HIBCH: variants seen among roughly 807,000 people sequenced by gnomAD.
HIBCH encodes the protein 3-hydroxyisobutyryl-CoA hydrolase, also known as 3-hydroxyisobutyryl-CoA hydrolase, mitochondrial.
Under a neutral mutation model 58.2 loss-of-function variants are expected in HIBCH, and 50 were observed. That is an observed-to-expected ratio of 0.86 (90% CI 0.68 to 1.09). The LOEUF (loss-of-function observed/expected upper bound fraction) is 1.09, where lower values mean the gene tolerates loss of function less well. HIBCH is among the 50% of genes least tolerant of loss of function. HIBCH has a pLI of 0.00. For synonymous variants in HIBCH, 151 were observed against 146.9 expected (o/e 1.03, Z -0.20); for missense variants, 450 against 449.7 (o/e 1.00, Z -0.01).
At chr2:190,318,826 CAG>C (rs1688773213) in intron 1 of HIBCH, among the ~76,000 whole-genome samples, 1 of 152,126 alleles carries the variant, frequency 6.6e-6, no homozygotes, top group Non-Finnish European at 1.5e-5. Flanking sequence ...AAAAAACAAA[CAG>C]AAAAGCAACT....
intron 7 of HIBCH, among the ~76,000 whole-genome samples, chr2:190,255,774 G>C (rs72915426): frequency 0.099 from 15,132 of 152,144 alleles, 1,033 homozygotes; most frequent in Middle Eastern, 0.16. Context: ...GAGCTGCAGA[G>C]AGAAAGCTCT....
At chr2:190,240,454 CTGAT>C (rs1342560854) in intron 11 of HIBCH, among the ~76,000 whole-genome samples, 1 of 152,102 alleles carries the variant, frequency 6.6e-6, no homozygotes, top group Non-Finnish European at 1.5e-5. Flanking sequence ...CCTGGATTCA[CTGAT>C]TTTTTTGAAG....
At chr2:190,195,941 C>CATT (rs747679063) in intron 1 of HIBCH, among the ~76,000 whole-genome samples, 1 of 86,196 alleles carries the variant, frequency 1.2e-5, no homozygotes, top group Non-Finnish European at 2.3e-5. Context: ...CTGTGTCCAG[C>CATT]TTTTTTTTTT....
At chr2:190,208,300 A>T (rs534990358) in intron 13 of HIBCH, among the ~76,000 whole-genome samples, 1 of 152,316 alleles carries the variant, frequency 6.6e-6, no homozygotes, top group African/African-American at 2.4e-5. Context: ...CGAAAGAGGG[A>T]GAAAGGGTAG....
rs538617564 is a variant in HIBCH at position 190,317,769 on chromosome 2, G to A, written c.35+1947C>T. Among the ~76,000 whole-genome samples, 11 of 152,206 alleles carry A rather than the reference G, an allele frequency of 7.2e-5. No individual in the cohort carries two copies. The South Asian group carries it at 2.3e-3, about 32-fold the overall frequency. Reference sequence around the variant, plus strand: ...GAATCTAGAAGAATGATAGTGCCAAGAGAGACAAAGAGTAAGGGTTATACT... The same window carrying A: ...GAATCTAGAAGAATGATAGTGCCAAAAGAGACAAAGAGTAAGGGTTATACT... On this transcript the variant is annotated intron_variant, in intron 1 of 13. Coordinates refer to ENST00000359678, the MANE Select transcript of HIBCH (RefSeq NM_014362.4).
intron 6 of HIBCH, among the ~76,000 whole-genome samples, chr2:190,271,282 C>CTTTTTTTTTT (rs35074167): frequency 1.2e-5 from 1 of 83,774 alleles, no homozygotes; most frequent in Non-Finnish European, 2.2e-5. Context: ...CTCTACCCTA[C>CTTTTTTTTTT]TTTTTTTTTT....
At chr2:190,275,910 G>T (rs533751697) in intron 6 of HIBCH, among the ~76,000 whole-genome samples, 1 of 152,322 alleles carries the variant, frequency 6.6e-6, no homozygotes, top group Non-Finnish European at 1.5e-5. Flanking sequence ...CTTTCCATCC[G>T]ATGAGTGCCA....
intron 6 of HIBCH, among the ~76,000 whole-genome samples, chr2:190,280,774 G>A (rs1044548812): frequency 1.3e-5 from 2 of 152,096 alleles, no homozygotes; most frequent in East Asian, 1.9e-4. Flanking sequence ...CTCAAACCCC[G>A]GAACCACGCC....
chr2:190,306,111 A>G lies in HIBCH; in HGVS notation c.78+4643T>C, dbSNP rs1239785532. ...TGTCTTATTTTTTTTCTATGTTTCT[A>G]TGGTAAAACAAAACACACACACAGA... On this transcript the variant is annotated intron_variant, in intron 2 of 13. Transcript: ENST00000359678. The surrounding 1 kb of genome is among the most constrained non-coding windows in gnomAD (Gnocchi z 4.6). Among the ~76,000 whole-genome samples the G allele has an allele frequency of 2.0e-5, 3 of 152,148 alleles. No homozygotes were observed. Among genetic ancestry groups the G allele is most frequent in the Admixed American group, 1.3e-4 (2 of 15,274 alleles).
intron 6 of HIBCH, among the ~76,000 whole-genome samples, chr2:190,280,512 A>G (rs1486588490): frequency 6.6e-6 from 1 of 152,200 alleles, no homozygotes; most frequent in African/African-American, 2.4e-5. Context: ...GAAGCTCGTG[A>G]TCAGCCGCTT....
intron 7 of HIBCH, among the ~76,000 whole-genome samples, chr2:190,255,900 G>T (rs907052321): frequency 6.6e-6 from 1 of 152,126 alleles, no homozygotes; most frequent in Non-Finnish European, 1.5e-5. Context: ...CACACTACCC[G>T]AGACTGAGTA....
At chr2:190,224,140 C>G (rs904379051) in intron 11 of HIBCH, among the ~76,000 whole-genome samples, 3 of 152,184 alleles carry the variant, frequency 2.0e-5, no homozygotes, top group Non-Finnish European at 4.4e-5. Flanking sequence ...CCCATGCCCA[C>G]GGAGCCTCAC....
chr2:190,276,161 C>T (rs1226694317), intron 6 of HIBCH, among the ~76,000 whole-genome samples: 3 of 152,176 alleles, frequency 2.0e-5, no homozygotes, highest in Admixed American at 1.3e-4. Flanking sequence ...TTCTTTGGGA[C>T]GCTCAAGGCA....
intron 7 of HIBCH, among the ~76,000 whole-genome samples, chr2:190,256,632 T>G (rs1447563125): frequency 3.3e-5 from 5 of 151,946 alleles, no homozygotes; most frequent in African/African-American, 1.2e-4. Context: ...TATCTAAAGA[T>G]GCAGGAAAAT....
chr2:190,276,336 G>A (rs900984752), intron 6 of HIBCH, among the ~76,000 whole-genome samples: 1 of 152,134 alleles, frequency 6.6e-6, no homozygotes, highest in African/African-American at 2.4e-5. Flanking sequence ...GTTTCAATGG[G>A]AAATTATTAG....
chr2:190,247,693 T>C (rs1480474334), intron 9 of HIBCH, among the ~76,000 whole-genome samples: 2 of 152,214 alleles, frequency 1.3e-5, no homozygotes, highest in African/African-American at 4.8e-5. Context: ...TCTGGGTTTT[T>C]TATTCCCAAC....
In HIBCH at chr2:190,217,084, A is replaced by G. The variant is rs1685575205; in HGVS notation, c.892-4009T>C. Among the ~76,000 whole-genome samples the G allele has an allele frequency of 1.3e-5, 2 of 152,204 alleles. No individual in the cohort carries two copies. Among genetic ancestry groups the G allele is most frequent in the Non-Finnish European group, 2.9e-5 (2 of 68,022 alleles). ...GTGCCACAGGCTGTTAGCTCTTCAA[A>G]CCAGCAGCTCTTGGCCCAGTGCCAG... On this transcript the variant is annotated intron_variant, in intron 11 of 13. Coordinates refer to ENST00000359678, the MANE Select transcript of HIBCH (RefSeq NM_014362.4). The surrounding 1 kb of genome is among the most constrained non-coding windows in gnomAD (Gnocchi z 4.6).
intron 2 of HIBCH, among the ~76,000 whole-genome samples, chr2:190,299,331 A>C (rs1439378221): frequency 6.6e-6 from 1 of 152,252 alleles, no homozygotes; most frequent in Non-Finnish European, 1.5e-5. Flanking sequence ...AGATAAAAAT[A>C]GAAATAATTT....
At chr2:190,194,330 G>C (rs73053723) in intron 1 of HIBCH, among the ~76,000 whole-genome samples, 11,603 of 152,134 alleles carry the variant, frequency 0.076, 1,036 homozygotes, top group African/African-American at 0.22. Flanking sequence ...AGCTATGCTT[G>C]TGGGTTTGTC....
Sources: gnomAD v4.1 joint callset for allele counts (sites outside exome capture counted in the v4.1 genomes callset) on GRCh38, gnomAD v4.1.1 for gene constraint, Gnocchi (gnomAD v3.1) non-coding constraint, MANE v1.5 for transcripts, NCBI Gene and HGNC (gene_info 2026-07-23, HGNC 2026-07-21) for gene names.